The following SARM1 variants were observed in gnomAD, a reference collection of about 807,000 sequenced individuals.
The protein encoded by SARM1 is NAD(+) hydrolase SARM1.
A neutral mutation model predicts 65.1 loss-of-function variants in SARM1; 60 were observed. That is an observed-to-expected ratio of 0.92 (90% CI 0.75 to 1.14). The LOEUF (loss-of-function observed/expected upper bound fraction) is 1.14, where lower values mean the gene tolerates loss of function less well. Ranked by LOEUF, SARM1 falls within the 50% of genes most tolerant of loss-of-function variation. The probability of loss-of-function intolerance (pLI) is 0.00; values close to 1 mark genes in which losing one functional copy is unlikely to be tolerated. For synonymous variants in SARM1, 417 were observed against 465.4 expected (o/e 0.90, Z 1.34); for missense variants, 913 against 1,015.7 (o/e 0.90, Z 1.37).
At chr17:28,393,498 C>T (rs1459149727) in intron 7 of SARM1, among the ~76,000 whole-genome samples, 1 of 151,976 alleles carries the variant, frequency 6.6e-6, no homozygotes, top group Admixed American at 6.5e-5. Flanking sequence ...CTGCAGTGAG[C>T]CTTGATGGTG....
At chr17:28,376,936 C>T (rs1029201810) in intron 1 of SARM1, among the ~76,000 whole-genome samples, 15 of 151,940 alleles carry the variant, frequency 9.9e-5, no homozygotes, top group Admixed American at 8.5e-4. Flanking sequence ...ATTACAGGCA[C>T]CTGCTACCAC....
At position 28,376,423 on chromosome 17, in the gene SARM1, A is replaced by AC. The variant is rs1474296887; in HGVS notation, c.470+3921_470+3922insC. ...AAATACAAAAAAAAAAAAAAAAAAA[A>AC]AGAGCCAGGTGTGGTTGTACATGTC... On this transcript the variant is annotated intron_variant, in intron 1 of 8. Transcript: ENST00000585482. Among the ~76,000 whole-genome samples the AC allele has an allele frequency of 4.2e-4, 64 of 151,022 alleles. 1 individual carries two copies. The highest frequency in any genetic ancestry group is 1.4e-3 in the African/African-American group (59 of 41,212).
At chr17:28,396,096 C>T in intron 8 of SARM1, 61 bp from the exon 9 acceptor site, 2 of 1,613,646 alleles carry the variant, frequency 1.2e-6, no homozygotes, top group Non-Finnish European at 1.7e-6. Context: ...TGTGGGCAAA[C>T]AGCTGACTAG....
At position 28,401,161 on chromosome 17, in the gene SARM1, A is replaced by C; in HGVS notation, c.*4875A>C. The C allele has an allele frequency of 3.8e-6, 1 of 264,720 alleles. No homozygotes were observed. Among genetic ancestry groups the C allele is most frequent in the Non-Finnish European group, 7.4e-6 (1 of 134,342 alleles). 16.4% of individuals were successfully genotyped at this position (264,720 alleles called of 1,614,324 possible). On this transcript the variant is annotated 3_prime_UTR_variant, in exon 9 of 9. Coordinates refer to ENST00000585482, the MANE Select transcript of SARM1 (RefSeq NM_015077.4). ...GCTGGTCTGATCAGTTCCAATATTC[A>C]TAGCGGTGTCACCACTGAATAGCTT...
At position 28,385,064 on chromosome 17, in the gene SARM1, C is replaced by T. The variant is rs555640726; in HGVS notation, c.1419C>T (p.Leu473=). The T allele has an allele frequency of 3.7e-6, 6 of 1,613,864 alleles. No homozygotes were observed. The African/African-American group carries it at 5.3e-5, about 14-fold the overall frequency. Residue 473 remains leucine (L), a synonymous_variant, in exon 5 of 9, where the codon CTC becomes CTT. Transcript: ENST00000585482. This position sits in a 1 kb window ranked among gnomAD's most constrained non-coding sequence, Gnocchi z 4.5. ...RKRFFRELTE[L]KTFANYSTCD... ...GGTTCTTTAGGGAGCTCACGGAGCT[C>T]AAGACCTTCGCCAACTATTCTACGT...
chr17:28,384,596 C>G lies in SARM1; in HGVS notation c.1302+27C>G, dbSNP rs782762846. On this transcript the variant is annotated intron_variant, in intron 3 of 8. Transcript: ENST00000585482. The surrounding 1 kb of genome is among the most constrained non-coding windows in gnomAD (Gnocchi z 4.4). Reference sequence around the variant, plus strand: ...TAGAGTCGCGTGGGATACGCCTCCCCCGAGTCAGAGCGGGCGCCCTGTGCA... The same window carrying G: ...TAGAGTCGCGTGGGATACGCCTCCCGCGAGTCAGAGCGGGCGCCCTGTGCA... The G allele has an allele frequency of 4.5e-6, 7 of 1,554,584 alleles. No homozygotes were observed. Among genetic ancestry groups the G allele is most frequent in the East Asian group, 4.7e-5 (2 of 42,326 alleles).
Position 28,396,245 on chromosome 17 carries a change from GACACC to G in SARM1, c.2136_2140del (p.Asp712GlufsTer165). 2 of 1,614,014 alleles carry G rather than the reference GACACC, an allele frequency of 1.2e-6. No individual in the cohort carries two copies. ...CTCCCGGGACTCATCTGCAGGCTCT[GACACC>G]AGTTTGGAGGGTGCTGCACCCATGG... On this transcript the variant is annotated frameshift_variant, in exon 9 of 9. Transcript: ENST00000585482. LOFTEE classifies it high-confidence loss of function.
intron 1 of SARM1, among the ~76,000 whole-genome samples, chr17:28,374,671 C>T (rs1169267839): frequency 6.6e-6 from 1 of 152,126 alleles, no homozygotes; most frequent in Non-Finnish European, 1.5e-5. Flanking sequence ...GCCCCCACTG[C>T]CTCATCTCAA....
chr17:28,378,949 C>T (rs541213998), intron 1 of SARM1, among the ~76,000 whole-genome samples: 1 of 152,338 alleles, frequency 6.6e-6, no homozygotes, highest in Non-Finnish European at 1.5e-5. Flanking sequence ...AGAGTAGGCA[C>T]CTGCCCATGT....
chr17:28,388,496 A>C lies in SARM1; in HGVS notation c.1880A>C (p.Asp627Ala). 2 of 1,613,938 alleles carry C rather than the reference A, an allele frequency of 1.2e-6. No homozygotes were observed. The highest frequency in any genetic ancestry group is 1.7e-6 in the Non-Finnish European group (2 of 1,179,890). Residue 627 changes from aspartate (D) to alanine (A), a missense_variant, in exon 7 of 9, where the codon GAC becomes GCC. Coordinates refer to ENST00000585482, the MANE Select transcript of SARM1 (RefSeq NM_015077.4). ...FVLVLSPGAL[D>A]KCMQDHDCKD... is the part of the protein sequence containing the mutation. Reference sequence around the variant, plus strand: ...TTGGTGCTATCACCTGGAGCACTGGACAAGTGCATGCAAGACCATGACTGC... The same window carrying C: ...TTGGTGCTATCACCTGGAGCACTGGCCAAGTGCATGCAAGACCATGACTGC...
At chr17:28,378,480 T>C (rs1555584840) in intron 1 of SARM1, among the ~76,000 whole-genome samples, 1 of 152,252 alleles carries the variant, frequency 6.6e-6, no homozygotes, top group Non-Finnish European at 1.5e-5. Flanking sequence ...TGTATCTTTC[T>C]ATCTGTGTTC....
chr17:28,399,807 T>G lies in SARM1; in HGVS notation c.*3521T>G. The G allele has an allele frequency of 1.5e-6, 2 of 1,303,030 alleles. No homozygotes were observed. The highest frequency in any genetic ancestry group is 2.2e-6 in the Non-Finnish European group (2 of 903,310). 80.7% of individuals were successfully genotyped at this position (1,303,030 alleles called of 1,614,324 possible). On this transcript the variant is annotated 3_prime_UTR_variant, in exon 9 of 9. Transcript: ENST00000585482. The stretch of plus-strand genomic sequence containing the variant: ...CACAGGATTTACTGGGGTGGGCTGG[T>G]CCAGGTAGCTCTCCTGAACCTCCTC...
At chr17:28,390,081 A>G (rs1029031422) in intron 7 of SARM1, among the ~76,000 whole-genome samples, 1 of 152,150 alleles carries the variant, frequency 6.6e-6, no homozygotes, top group East Asian at 1.9e-4. Context: ...GGTTTTATAC[A>G]TTTTTGGGAG....
rs2068124472 is a variant in SARM1 at position 28,396,406 on chromosome 17, TCTCC to T, written c.*126_*129del. ...ACCTGGGCTCTTCTTAGGAAATGGC[TCTCC>T]CTCCCCCTGTCCCCCACCCTCATGG... On this transcript the variant is annotated 3_prime_UTR_variant, in exon 9 of 9. Coordinates refer to ENST00000585482, the MANE Select transcript of SARM1 (RefSeq NM_015077.4). 1 of 1,200,332 alleles carries T rather than the reference TCTCC, an allele frequency of 8.3e-7. No homozygotes were observed. Among genetic ancestry groups the T allele is most frequent in the Admixed American group, 1.9e-5 (1 of 51,906 alleles). 74.4% of individuals were successfully genotyped at this position (1,200,332 alleles called of 1,614,324 possible).
At chr17:28,389,065 G>C (rs899575373) in intron 7 of SARM1, among the ~76,000 whole-genome samples, 3 of 152,176 alleles carry the variant, frequency 2.0e-5, no homozygotes, top group African/African-American at 4.8e-5. Context: ...GTGAGGATCA[G>C]AGAGACATAA....
chr17:28,393,633 T>C (rs1299147176), intron 7 of SARM1, among the ~76,000 whole-genome samples: 1 of 152,082 alleles, frequency 6.6e-6, no homozygotes, highest in Non-Finnish European at 1.5e-5. Context: ...CCTCAGGTCG[T>C]AGAGCCTGTG....
At position 28,403,461 on chromosome 17, in the gene SARM1, G is replaced by C. The variant is rs952471541; in HGVS notation, c.*7175G>C. ...ACAGGACAGTGGATCCTCCAAAGAA[G>C]GTATACGATGAGGCATCCAGGGACC... On this transcript the variant is annotated 3_prime_UTR_variant, in exon 9 of 9. Coordinates refer to ENST00000585482, the MANE Select transcript of SARM1 (RefSeq NM_015077.4). 6.6e-6 allele frequency: 1 copy of C among 152,282 alleles called. No individual in the cohort carries two copies. Among genetic ancestry groups the C allele is most frequent in the African/African-American group, 2.4e-5 (1 of 41,384 alleles). 9.4% of individuals were successfully genotyped at this position (152,282 alleles called of 1,614,324 possible). A position where few individuals can be genotyped will look rare whatever the true frequency, so the allele number is the denominator to read the frequency against.
At position 28,381,275 on chromosome 17, in the gene SARM1, G is replaced by A. The variant is rs1404899098; in HGVS notation, c.543G>A (p.Ala181=). The change falls in exon 2 of 9, where the codon GCG becomes GCA. Residue 181 remains alanine, a synonymous_variant. Transcript: ENST00000585482. ...AGGAACGCGAACCCGTAGAGCTGGCGCGGAGCGTGGCAGGCATCTTGGAGC... is the reference window on the plus strand; with the variant it reads ...AGGAACGCGAACCCGTAGAGCTGGCACGGAGCGTGGCAGGCATCTTGGAGC... ...LAKEREPVEL[A]RSVAGILEHM... is the part of the protein sequence containing the mutation. 1 of 1,608,334 alleles carries A rather than the reference G, an allele frequency of 6.2e-7. No homozygotes were observed. Among genetic ancestry groups the A allele is most frequent in the African/African-American group, 1.3e-5 (1 of 74,880 alleles).
rs782741116 is a variant in SARM1, at chr17:28,385,087, C to T, written c.1442C>T (p.Thr481Met). The T allele has an allele frequency of 3.7e-6, 6 of 1,613,826 alleles. No individual in the cohort carries two copies. In the African/African-American group the frequency reaches 6.7e-5, roughly 18 times the overall value. ...CTCAAGACCTTCGCCAACTATTCTACGTGCGACCGCAGCAACCTGGCGGAC... is the reference window on the plus strand; with the variant it reads ...CTCAAGACCTTCGCCAACTATTCTATGTGCGACCGCAGCAACCTGGCGGAC... Reference protein sequence around the residue: ...TELKTFANYSTCDRSNLADWL... With the variant: ...TELKTFANYSMCDRSNLADWL... The change falls in exon 5 of 9, where the codon ACG (threonine) becomes ATG (methionine). Residue 481 changes from threonine (T) to methionine (M), a missense_variant. Physicochemically the swap from Thr to Met is moderately conservative, Grantham distance 81. This residue lies in a region of SARM1 where 862 missense variants were observed against 952.1 expected (regional missense o/e 0.91). Transcript: ENST00000585482. This position sits in a 1 kb window ranked among gnomAD's most constrained non-coding sequence, Gnocchi z 4.5.
Sources: gnomAD v4.1 joint callset for allele counts (sites outside exome capture counted in the v4.1 genomes callset) on GRCh38, gnomAD v4.1.1 for gene constraint, gnomAD v4.1.1 regional missense constraint, Gnocchi (gnomAD v3.1) non-coding constraint, MANE v1.5 for transcripts, NCBI Gene and HGNC (gene_info 2026-07-23, HGNC 2026-07-21) for gene names.